COLEC10: variants seen among roughly 807,000 people sequenced by gnomAD.
The protein encoded by COLEC10 is collectin-10.
Under a neutral mutation model 28.4 loss-of-function variants are expected in COLEC10, and 22 were observed. The ratio of observed to expected loss-of-function variants is 0.78; its 90% CI spans 0.55 to 1.11. The LOEUF (loss-of-function observed/expected upper bound fraction) is 1.11. COLEC10 is among the 50% of genes least tolerant of loss of function. The pLI is 0.00. For synonymous variants in COLEC10, 125 were observed against 116.1 expected, an observed-to-expected ratio of 1.08 and a Z score of -0.49; for missense variants, 361 against 344.1, an observed-to-expected ratio of 1.05 and a Z score of -0.39.
chr8:119,107,311 A>T lies in COLEC10; in HGVS notation c.*1120A>T, dbSNP rs1420361667. 6.6e-6 allele frequency among the ~76,000 whole-genome samples: 1 copy of T among 152,178 alleles called. No homozygotes were observed. The highest frequency in any genetic ancestry group is 2.4e-5 in the African/African-American group (1 of 41,458). Reference sequence around the variant, plus strand: ...CATCACAGAAATGTGTGAGGCACAGAATTCGGAACATGCTTAGAACTCACA... The same window carrying T: ...CATCACAGAAATGTGTGAGGCACAGTATTCGGAACATGCTTAGAACTCACA... On this transcript the variant is annotated 3_prime_UTR_variant, in exon 6 of 6. Transcript: ENST00000332843.
the COLEC10 span, among the ~76,000 whole-genome samples, chr8:118,953,957 T>C: frequency 6.6e-6 from 1 of 152,202 alleles, no homozygotes; most frequent in Non-Finnish European, 1.5e-5. Context: ...TTGAATTAGA[T>C]AAAAGATGTA....
intron 1 of COLEC10, among the ~76,000 whole-genome samples, chr8:119,073,313 T>A (rs1332484589): frequency 6.6e-6 from 1 of 152,214 alleles, no homozygotes; most frequent in Non-Finnish European, 1.5e-5. Flanking sequence ...GATTAGTTGG[T>A]TTTATAAGTT....
intron 2 of COLEC10, among the ~76,000 whole-genome samples, chr8:119,021,362 CATCATAGAA>C (rs1814088864): frequency 6.6e-6 from 1 of 152,166 alleles, no homozygotes; most frequent in Admixed American, 6.5e-5. Context: ...TCCTCTCATT[CATCATAGAA>C]CTTGACTCCC....
At chr8:119,034,395 A>C (rs1358278173) in intron 2 of COLEC10, among the ~76,000 whole-genome samples, 2 of 150,916 alleles carry the variant, frequency 1.3e-5, no homozygotes, top group Admixed American at 6.6e-5. Context: ...CTGCGCATGT[A>C]TCCCAGAACT....
intron 5 of COLEC10, among the ~76,000 whole-genome samples, chr8:119,104,677 T>C (rs1047813434): frequency 2.0e-5 from 3 of 152,188 alleles, no homozygotes; most frequent in South Asian, 4.1e-4. Flanking sequence ...TGGAATCACA[T>C]AGATGCTGTC....
At chr8:119,005,359 A>T (rs531790967) in intron 1 of COLEC10, among the ~76,000 whole-genome samples, 10 of 152,148 alleles carry the variant, frequency 6.6e-5, no homozygotes, top group Non-Finnish European at 1.2e-4. Context: ...AGCTTCACTC[A>T]GGTACATTCT....
rs748322589 is a variant in COLEC10, at chr8:119,067,339, C to G, written c.58C>G (p.Leu20Val). The change falls in exon 1 of 6, where the codon CTT becomes GTT. Residue 20 changes from leucine to valine, a missense_variant. Coordinates refer to ENST00000332843, the MANE Select transcript of COLEC10 (RefSeq NM_006438.5). Reference sequence around the variant, plus strand: ...CCAATTTATCCTCCTGGTACTATTTCTTTTGCAAATTCAGAGTCTGGGTCT... The same window carrying G: ...CCAATTTATCCTCCTGGTACTATTTGTTTTGCAAATTCAGAGTCTGGGTCT... ...RNQFILLVLF[L>V]LQIQSLGLDI... 1 of 1,613,938 alleles carries G rather than the reference C, an allele frequency of 6.2e-7. No individual in the cohort carries two copies. Among genetic ancestry groups the G allele is most frequent in the Non-Finnish European group, 8.5e-7 (1 of 1,179,942 alleles).
chr8:118,996,879 G>C (rs1813598864), intron 1 of COLEC10, among the ~76,000 whole-genome samples: 1 of 152,134 alleles, frequency 6.6e-6, no homozygotes, highest in African/African-American at 2.4e-5. Flanking sequence ...AAAGAGTAAG[G>C]ATTGGGGGAG....
At chr8:119,077,297 T>G (rs895394823) in intron 1 of COLEC10, among the ~76,000 whole-genome samples, 1 of 135,794 alleles carries the variant, frequency 7.4e-6, no homozygotes, top group Admixed American at 8.2e-5. Context: ...GACAATACCA[T>G]GTTGGTATTA....
the COLEC10 span, among the ~76,000 whole-genome samples, chr8:118,980,751 C>T: frequency 8.5e-4 from 128 of 150,288 alleles, no homozygotes; most frequent in African/African-American, 3.0e-3. Flanking sequence ...CTTATAGACA[C>T]GTTCAAAAAT....
intron 2 of COLEC10, among the ~76,000 whole-genome samples, chr8:119,018,373 C>A (rs1170155326): frequency 6.6e-6 from 1 of 152,140 alleles, no homozygotes; most frequent in Non-Finnish European, 1.5e-5. Context: ...GCAGTGAGTT[C>A]TTTCTTCCTG....
At chr8:119,091,075 G>A (rs748298927) in intron 2 of COLEC10, 74 bp from the exon 3 acceptor site, 67 of 1,158,926 alleles carry the variant, frequency 5.8e-5, no homozygotes, top group Non-Finnish European at 7.8e-5. Flanking sequence ...TTTCTTTCAA[G>A]TGAATATCAC....
intron 2 of COLEC10, among the ~76,000 whole-genome samples, chr8:119,044,582 T>G (rs528285051): frequency 7.2e-5 from 11 of 152,206 alleles, no homozygotes; most frequent in African/African-American, 2.6e-4. Context: ...TGGTGGCTTA[T>G]GCCTGTAATC....
chr8:118,988,694 A>G, the COLEC10 span, among the ~76,000 whole-genome samples: 1 of 152,190 alleles, frequency 6.6e-6, no homozygotes, highest in African/African-American at 2.4e-5. Flanking sequence ...GTATAATAAC[A>G]GTGGATTATA....
chr8:119,061,500 G>A (rs1415657928), intron 2 of COLEC10, among the ~76,000 whole-genome samples: 1 of 149,924 alleles, frequency 6.7e-6, no homozygotes, highest in African/African-American at 2.4e-5. Context: ...TCTATAGAAA[G>A]TGTAGAAAAT....
chr8:118,956,048 C>T, the COLEC10 span, among the ~76,000 whole-genome samples: 1 of 152,136 alleles, frequency 6.6e-6, no homozygotes, highest in African/African-American at 2.4e-5. Context: ...GTCCAGAAAC[C>T]AGCATGGTTG....
chr8:118,975,937 G>A, the COLEC10 span, among the ~76,000 whole-genome samples: 7 of 152,004 alleles, frequency 4.6e-5, no homozygotes, highest in African/African-American at 7.2e-5. Context: ...AGCTTATAAG[G>A]TAGATAAAGT....
At chr8:119,077,764 C>A (rs1815280518) in intron 1 of COLEC10, among the ~76,000 whole-genome samples, 1 of 151,912 alleles carries the variant, frequency 6.6e-6, no homozygotes. Context: ...CAGAATTATT[C>A]TTTTTTTTAT....
chr8:119,029,964 T>C (rs1814258795), intron 2 of COLEC10, among the ~76,000 whole-genome samples: 1 of 152,174 alleles, frequency 6.6e-6, no homozygotes, highest in African/African-American at 2.4e-5. Context: ...TCCTTAACTA[T>C]ATATGTATGT....
Sources: allele counts gnomAD v4.1 joint callset (sites outside exome capture counted in the v4.1 genomes callset), GRCh38; gene constraint gnomAD v4.1.1; transcripts MANE v1.5; gene names NCBI Gene and HGNC (gene_info 2026-07-23, HGNC 2026-07-21).